The following KIRREL3 variants were observed in gnomAD, a reference collection of about 807,000 sequenced individuals.
The protein encoded by KIRREL3 is kirre like nephrin family adhesion molecule 3, also known as kin of IRRE-like protein 3.
A neutral mutation model predicts 89.7 loss-of-function variants in KIRREL3; 36 were observed. That is an observed-to-expected ratio of 0.40 (90% CI 0.31 to 0.53). KIRREL3 has a LOEUF of 0.53. Among genes scored for constraint, KIRREL3 ranks in the 20% least tolerant of loss-of-function variants. The pLI is 0.49. For missense variants in KIRREL3, 864 were observed against 1,056.6 expected (o/e 0.82, Z 2.53); for synonymous variants, 445 against 441.4 (o/e 1.01, Z -0.10).
At chr11:126,880,637 GTT>G (rs34608539) in intron 1 of KIRREL3, among the ~76,000 whole-genome samples, 1 of 142,870 alleles carries the variant, frequency 7.0e-6, no homozygotes. Context: ...AAAAGTTGTG[GTT>G]TTTTTTTTTT....
At chr11:126,975,890 CCCTCCCTCCCTCCCTTCCTCCCTCCCTT>C (rs1329570585) in intron 1 of KIRREL3, among the ~76,000 whole-genome samples, 2 of 87,964 alleles carry the variant, frequency 2.3e-5, no homozygotes, top group Non-Finnish European at 4.4e-5. Context: ...TCTTTTCCCT[CCCTCCCTCCCTCCCTTCCTCCCTCCCTT>C]CCTCCCTCCC....
At position 126,814,221 on chromosome 11, in the gene KIRREL3, G is replaced by A. The variant is rs1951486121; in HGVS notation, c.55+186234C>T. Among the ~76,000 whole-genome samples the A allele has an allele frequency of 6.6e-6, 1 of 152,018 alleles. No homozygotes were observed. Among genetic ancestry groups the A allele is most frequent in the Admixed American group, 6.5e-5 (1 of 15,270 alleles). ...CACAATGACATACCATCTCATGCCA[G>A]GCAGAATGGCTTTTTTTTTAAAATT... is the stretch of plus-strand genomic sequence containing the variant. On this transcript the variant is annotated intron_variant, in intron 1 of 16. Transcript: ENST00000525144. The surrounding 1 kb of genome is among the most constrained non-coding windows in gnomAD (Gnocchi z 4.4).
In KIRREL3 at chr11:126,896,601, G is replaced by A. The variant is rs900931594; in HGVS notation, c.55+103854C>T. ...TAGAAAGCTGTGTAGAGAACGTGGGGCCTGTCCATGGGCTTCAGTGCCCAC... is the reference window on the plus strand; with the variant it reads ...TAGAAAGCTGTGTAGAGAACGTGGGACCTGTCCATGGGCTTCAGTGCCCAC... On this transcript the variant is annotated intron_variant, in intron 1 of 16. Transcript: ENST00000525144. This position sits in a 1 kb window ranked among gnomAD's most constrained non-coding sequence, Gnocchi z 4.1. Among the ~76,000 whole-genome samples the A allele has an allele frequency of 4.1e-5, 6 of 147,138 alleles. No individual in the cohort carries two copies. The East Asian group carries it at 1.2e-3, about 30-fold the overall frequency.
rs1287695704 is a variant in KIRREL3, at chr11:126,463,374, G to T, written c.592-67C>A. Reference sequence around the variant, plus strand: ...TGGCTGGGGTGGCCAGCCTGGGTTGGGGGTAAACGAGCACCAGCTTAGACA... The same window carrying T: ...TGGCTGGGGTGGCCAGCCTGGGTTGTGGGTAAACGAGCACCAGCTTAGACA... On this transcript the variant is annotated intron_variant, in intron 5 of 16. Transcript: ENST00000525144. This position sits in a 1 kb window ranked among gnomAD's most constrained non-coding sequence, Gnocchi z 5.9. The T allele has an allele frequency of 4.6e-6, 7 of 1,513,344 alleles. No homozygotes were observed. The highest frequency in any genetic ancestry group is 9.0e-7 in the Non-Finnish European group (1 of 1,109,828). 93.7% of individuals were successfully genotyped at this position (1,513,344 alleles called of 1,614,324 possible).
rs567573770 is a variant in KIRREL3 at position 126,917,487 on chromosome 11, A to T, written c.55+82968T>A. Among the ~76,000 whole-genome samples the T allele has an allele frequency of 2.0e-5, 3 of 149,094 alleles. No individual in the cohort carries two copies. The highest frequency in any genetic ancestry group is 2.5e-5 in the African/African-American group (1 of 39,444). The stretch of plus-strand genomic sequence containing the variant: ...GTATATATTTTACCACAATAAAAAA[A>T]TTAAAAAAAAACAAGGAAAAACCTG... On this transcript the variant is annotated intron_variant, in intron 1 of 16. Coordinates refer to ENST00000525144, the MANE Select transcript of KIRREL3 (RefSeq NM_032531.4). This position sits in a 1 kb window ranked among gnomAD's most constrained non-coding sequence, Gnocchi z 5.0.
rs1362029735 is a variant in KIRREL3, at chr11:126,561,529, C to CTAGCA, written c.133+1301_133+1305dup. ...GTTCCCACAAATTAGAAGTTACTGCCTAGCAGTCTTGTCAAGGCAGTGGTG... is the reference window on the plus strand; with the variant it reads ...GTTCCCACAAATTAGAAGTTACTGCCTAGCATAGCAGTCTTGTCAAGGCAGTGGTG... On this transcript the variant is annotated intron_variant, in intron 2 of 16. Transcript: ENST00000525144. This position sits in a 1 kb window ranked among gnomAD's most constrained non-coding sequence, Gnocchi z 4.5. Among the ~76,000 whole-genome samples, 2 of 152,178 alleles carry CTAGCA rather than the reference C, an allele frequency of 1.3e-5. No individual in the cohort carries two copies. Among genetic ancestry groups the CTAGCA allele is most frequent in the African/African-American group, 4.8e-5 (2 of 41,444 alleles).
rs1940117055 is a variant in KIRREL3 at position 126,561,467 on chromosome 11, A to T, written c.133+1368T>A. ...TAATGAGCATCGCCAGCAAGAGAAC[A>T]TGTCTATTCAGCACCACGGACAGAG... On this transcript the variant is annotated intron_variant, in intron 2 of 16. Coordinates refer to ENST00000525144, the MANE Select transcript of KIRREL3 (RefSeq NM_032531.4). The surrounding 1 kb of genome is among the most constrained non-coding windows in gnomAD (Gnocchi z 4.5). 6.6e-6 allele frequency among the ~76,000 whole-genome samples: 1 copy of T among 152,176 alleles called. No homozygotes were observed. Among genetic ancestry groups the T allele is most frequent in the Admixed American group, 6.5e-5 (1 of 15,286 alleles).
Position 126,640,310 on chromosome 11 carries a change from G to A in KIRREL3, c.56-77398C>T, listed in dbSNP as rs1944418416. Among the ~76,000 whole-genome samples the A allele has an allele frequency of 6.6e-6, 1 of 152,092 alleles. No individual in the cohort carries two copies. The highest frequency in any genetic ancestry group is 1.5e-5 in the Non-Finnish European group (1 of 68,028). On this transcript the variant is annotated intron_variant, in intron 1 of 16. Transcript: ENST00000525144. The surrounding 1 kb of genome is among the most constrained non-coding windows in gnomAD (Gnocchi z 4.9). ...GGACCCACTTTGGTTTGGGAAAGGA[G>A]GTTGTCAAGACTAACTGAACACAAC...
In KIRREL3 at chr11:126,605,623, A is replaced by T. The variant is rs998780832; in HGVS notation, c.56-42711T>A. On this transcript the variant is annotated intron_variant, in intron 1 of 16. Coordinates refer to ENST00000525144, the MANE Select transcript of KIRREL3 (RefSeq NM_032531.4). This position sits in a 1 kb window ranked among gnomAD's most constrained non-coding sequence, Gnocchi z 5.7. The stretch of plus-strand genomic sequence containing the variant: ...CAACCGGCGCGTTTTAATAATGTCT[A>T]CTTGGGTTAATGAAAGTTGTCGGTT... Among the ~76,000 whole-genome samples, 26 of 152,194 alleles carry T rather than the reference A, an allele frequency of 1.7e-4. No homozygotes were observed. The highest frequency in any genetic ancestry group is 6.3e-4 in the African/African-American group (26 of 41,440).
Position 126,428,304 on chromosome 11 carries a change from A to G in KIRREL3, c.1806+875T>C, listed in dbSNP as rs776950626. Among the ~76,000 whole-genome samples, 1 of 152,050 alleles carries G rather than the reference A, an allele frequency of 6.6e-6. No homozygotes were observed. The highest frequency in any genetic ancestry group is 2.4e-5 in the African/African-American group (1 of 41,448). ...ACATGTTACGACCGAGGCAACCAGA[A>G]ACTTCTAGCATGGTTGTCCAGGTTT... On this transcript the variant is annotated intron_variant, in intron 15 of 16. Transcript: ENST00000525144. The surrounding 1 kb of genome is among the most constrained non-coding windows in gnomAD (Gnocchi z 6.4).
chr11:126,447,710 G>A (rs1272027553), intron 8 of KIRREL3, among the ~76,000 whole-genome samples: 1 of 152,176 alleles, frequency 6.6e-6, no homozygotes, highest in African/African-American at 2.4e-5. Flanking sequence ...GTCCGACCGT[G>A]GCCAGGCAGG....
intron 1 of KIRREL3, among the ~76,000 whole-genome samples, chr11:126,732,356 G>T (rs1264296300): frequency 6.6e-6 from 1 of 152,180 alleles, no homozygotes; most frequent in Admixed American, 6.5e-5. Flanking sequence ...TTCTGTCCTT[G>T]AAATAGCCAC....
chr11:126,717,882 C>T (rs1027656016), intron 1 of KIRREL3, among the ~76,000 whole-genome samples: 10 of 152,174 alleles, frequency 6.6e-5, no homozygotes, highest in African/African-American at 2.4e-4. Context: ...GGGACTTTAG[C>T]AGTGAAATAA....
rs187035070 is a variant in KIRREL3 at position 126,562,250 on chromosome 11, G to A, written c.133+585C>T. 1.8e-3 allele frequency among the ~76,000 whole-genome samples: 270 copies of A among 152,210 alleles called. No homozygotes were observed. The highest frequency in any genetic ancestry group is 5.4e-3 in the African/African-American group (224 of 41,522). On this transcript the variant is annotated intron_variant, in intron 2 of 16. Transcript: ENST00000525144. The surrounding 1 kb of genome is among the most constrained non-coding windows in gnomAD (Gnocchi z 4.7). ...CCAGCCTCTATGCCAATGTCAACACGTTTCTCAAGCCTTCAGTGACCCAAT... is the reference window on the plus strand; with the variant it reads ...CCAGCCTCTATGCCAATGTCAACACATTTCTCAAGCCTTCAGTGACCCAAT...
chr11:126,506,782 T>G (rs1271849473), intron 4 of KIRREL3, among the ~76,000 whole-genome samples: 1 of 151,812 alleles, frequency 6.6e-6, no homozygotes, highest in Non-Finnish European at 1.5e-5. Flanking sequence ...CAACAATTTT[T>G]TTTTTTTGTT....
chr11:126,542,002 G>A lies in KIRREL3; in HGVS notation c.134-15315C>T, dbSNP rs373823562. Among the ~76,000 whole-genome samples, 26 of 152,334 alleles carry A rather than the reference G, an allele frequency of 1.7e-4. 1 individual carries two copies. The highest frequency in any genetic ancestry group is 5.8e-4 in the African/African-American group (24 of 41,572). ...GCGGGAAGGACCGAGTCCTGCCCTCGGCAGCCCTGCAGCGGGCCCTCAGGA... is the reference window on the plus strand; with the variant it reads ...GCGGGAAGGACCGAGTCCTGCCCTCAGCAGCCCTGCAGCGGGCCCTCAGGA... On this transcript the variant is annotated intron_variant, in intron 2 of 16. Coordinates refer to ENST00000525144, the MANE Select transcript of KIRREL3 (RefSeq NM_032531.4).
rs569716206 is a variant in KIRREL3 at position 126,615,966 on chromosome 11, T to G, written c.56-53054A>C. 5.0e-4 allele frequency among the ~76,000 whole-genome samples: 76 copies of G among 152,120 alleles called. No individual in the cohort carries two copies. The highest frequency in any genetic ancestry group is 1.5e-3 in the African/African-American group (63 of 41,498). On this transcript the variant is annotated intron_variant, in intron 1 of 16. Coordinates refer to ENST00000525144, the MANE Select transcript of KIRREL3 (RefSeq NM_032531.4). This position sits in a 1 kb window ranked among gnomAD's most constrained non-coding sequence, Gnocchi z 5.4. ...GGGAGGAGCCCTGGGTGTGTGTGTG[T>G]GGGGTGCGTGGGTGGGGAGATGCAT...
chr11:126,768,120 C>G lies in KIRREL3; in HGVS notation c.56-205208G>C, dbSNP rs188702223. ...TTATTTCATCCATCTGTCCATCCATCTGTCTATCCATCTATCCATCCATCC... is the reference window on the plus strand; with the variant it reads ...TTATTTCATCCATCTGTCCATCCATGTGTCTATCCATCTATCCATCCATCC... On this transcript the variant is annotated intron_variant, in intron 1 of 16. Coordinates refer to ENST00000525144, the MANE Select transcript of KIRREL3 (RefSeq NM_032531.4). This position sits in a 1 kb window ranked among gnomAD's most constrained non-coding sequence, Gnocchi z 4.5. Among the ~76,000 whole-genome samples, 1 of 149,002 alleles carries G rather than the reference C, an allele frequency of 6.7e-6. No homozygotes were observed. Among genetic ancestry groups the G allele is most frequent in the African/African-American group, 2.5e-5 (1 of 39,926 alleles).
At chr11:126,679,915 C>T (rs541207559) in intron 1 of KIRREL3, among the ~76,000 whole-genome samples, 3 of 152,264 alleles carry the variant, frequency 2.0e-5, no homozygotes, top group Admixed American at 2.0e-4. Flanking sequence ...ACCACCAGTC[C>T]GAGCCTGTGT....
Sources: allele counts gnomAD v4.1 joint callset (sites outside exome capture counted in the v4.1 genomes callset), GRCh38; gene constraint gnomAD v4.1.1; non-coding constraint Gnocchi (gnomAD v3.1); transcripts MANE v1.5; gene names NCBI Gene and HGNC (gene_info 2026-07-23, HGNC 2026-07-21).